Variants in ROBO1 observed in about 807,000 individuals in gnomAD.
ROBO1 encodes the protein roundabout homolog 1.
A neutral mutation model predicts 195.9 loss-of-function variants in ROBO1; 149 were observed. That is an observed-to-expected ratio of 0.76 (90% CI 0.67 to 0.87). ROBO1 has a LOEUF of 0.87. Ranked by LOEUF, ROBO1 falls within the 40% of genes least tolerant of loss-of-function variation. The pLI is 0.00. For missense variants in ROBO1, 1,933 were observed against 2,068.3 expected (o/e 0.93, Z 1.27); for synonymous variants, 816 against 733.2 (o/e 1.11, Z -1.82).
intron 2 of ROBO1, among the ~76,000 whole-genome samples, chr3:79,335,457 A>G (rs933592229): frequency 6.6e-6 from 1 of 152,198 alleles, no homozygotes; most frequent in Admixed American, 6.5e-5. Context: ...TTCTCATGAT[A>G]GTAACTGAGG....
chr3:78,818,582 G>C (rs1261694641), intron 4 of ROBO1, among the ~76,000 whole-genome samples: 1 of 152,232 alleles, frequency 6.6e-6, no homozygotes. Context: ...AGTACACGCA[G>C]TCAGCGCCTT....
intron 1 of ROBO1, among the ~76,000 whole-genome samples, chr3:79,761,240 C>G (rs551226530): frequency 2.0e-5 from 3 of 150,064 alleles, no homozygotes; most frequent in African/African-American, 7.3e-5. Context: ...CCCGAAGCAA[C>G]TTGAATTAAT....
At chr3:79,149,487 C>T (rs375210536) in intron 2 of ROBO1, among the ~76,000 whole-genome samples, 105 of 151,530 alleles carry the variant, frequency 6.9e-4, no homozygotes, top group African/African-American at 1.9e-3. Context: ...CTGGTTCTGA[C>T]GCTTATTCAG....
intron 2 of ROBO1, among the ~76,000 whole-genome samples, chr3:79,239,912 G>A (rs185831952): frequency 2.0e-4 from 30 of 152,036 alleles, no homozygotes; most frequent in Admixed American, 1.8e-3. Context: ...AAATAAACTT[G>A]TATATATTTA....
At position 79,065,289 on chromosome 3, in the gene ROBO1, C is replaced by T. The variant is rs557932431; in HGVS notation, c.172+60167G>A. On this transcript the variant is annotated intron_variant, in intron 3 of 30. Transcript: ENST00000464233. ...AATGCCATATTCTAATTCTGTCATTCCCTATGTCTTGAGTAAGGAAGAGAG... is the reference window on the plus strand; with the variant it reads ...AATGCCATATTCTAATTCTGTCATTTCCTATGTCTTGAGTAAGGAAGAGAG... 3.3e-5 allele frequency among the ~76,000 whole-genome samples: 5 copies of T among 152,036 alleles called. No homozygotes were observed. The East Asian group carries it at 9.7e-4, about 30-fold the overall frequency.
chr3:78,627,371 T>A lies in ROBO1; in HGVS notation c.3825A>T (p.Leu1275Phe). ...PSPQEELQPMLQDCPEETGHM... is the reference protein window; with the variant it reads ...PSPQEELQPMFQDCPEETGHM... Reference sequence around the variant, plus strand: ...GGCCAGTCTCCTCTGGACAATCCTGTAACATGGGCTGGAGTTCTTCCTGTG... The same window carrying A: ...GGCCAGTCTCCTCTGGACAATCCTGAAACATGGGCTGGAGTTCTTCCTGTG... The change falls in exon 26 of 31, where the codon TTA becomes TTT. Residue 1275 changes from leucine to phenylalanine, a missense_variant. By Grantham distance (22) the Leu-to-Phe change is conservative. Around this residue, in one of 3 missense-constraint regions of ROBO1, gnomAD observed 1,737 missense variants for 1,882.5 expected, o/e 0.92. Coordinates refer to ENST00000464233, the MANE Select transcript of ROBO1 (RefSeq NM_002941.4). 1 of 1,612,614 alleles carries A rather than the reference T, an allele frequency of 6.2e-7. No homozygotes were observed. The highest frequency in any genetic ancestry group is 8.5e-7 in the Non-Finnish European group (1 of 1,179,344).
chr3:78,740,204 T>C (rs1261208029), intron 5 of ROBO1, among the ~76,000 whole-genome samples: 1 of 152,018 alleles, frequency 6.6e-6, no homozygotes, highest in Non-Finnish European at 1.5e-5. Context: ...TAAGACTAAA[T>C]TGACAAGTAT....
chr3:79,442,804 A>C (rs545554459), intron 2 of ROBO1, among the ~76,000 whole-genome samples: 2 of 152,172 alleles, frequency 1.3e-5, no homozygotes, highest in Non-Finnish European at 2.9e-5. Flanking sequence ...CTTGCTTAGA[A>C]TTCTTTCCTG....
Position 78,639,754 on chromosome 3 carries a change from G to C in ROBO1, c.3027C>G (p.Tyr1009Ter). The C allele has an allele frequency of 6.2e-7, 1 of 1,613,262 alleles. No homozygotes were observed. Among genetic ancestry groups the C allele is most frequent in the Non-Finnish European group, 8.5e-7 (1 of 1,179,382 alleles). Reference protein sequence around the residue: ...NGNSDSNLTTYSRPADCIANY... With the variant: ...NGNSDSNLTT ...CTCTGTGTCCCTAACCTGGGCGACT[G>C]TAGGTAGTGAGGTTGCTGTCGCTGT... The change falls in exon 22 of 31, where the codon TAC (tyrosine) becomes TAG (stop). Residue 1009 changes from tyrosine to a stop codon, truncating the protein, a stop_gained. Coordinates refer to ENST00000464233, the MANE Select transcript of ROBO1 (RefSeq NM_002941.4). LOFTEE classifies it high-confidence loss of function.
At chr3:79,735,141 T>G (rs956540032) in intron 1 of ROBO1, among the ~76,000 whole-genome samples, 2 of 152,228 alleles carry the variant, frequency 1.3e-5, no homozygotes, top group African/African-American at 4.8e-5. Flanking sequence ...TGGAAGAAAC[T>G]GCATTTTTAA....
chr3:79,514,993 T>A (rs1336638819), intron 2 of ROBO1, among the ~76,000 whole-genome samples: 1 of 151,712 alleles, frequency 6.6e-6, no homozygotes, highest in Non-Finnish European at 1.5e-5. Context: ...TTCAAATGAA[T>A]GATTGGACAC....
chr3:79,707,038 CTCT>C (rs966106015), intron 1 of ROBO1, among the ~76,000 whole-genome samples: 2 of 151,976 alleles, frequency 1.3e-5, no homozygotes, highest in African/African-American at 2.4e-5. Context: ...AAATTATTTT[CTCT>C]TCTTCTCCCT....
At chr3:79,519,630 A>G (rs1209477602) in intron 2 of ROBO1, among the ~76,000 whole-genome samples, 1 of 141,026 alleles carries the variant, frequency 7.1e-6, no homozygotes, top group Non-Finnish European at 1.5e-5. Context: ...CTCCTGCTCA[A>G]AAAAAAAAAA....
rs113132036 is a variant in ROBO1 at position 79,006,081 on chromosome 3, T to C, written c.173-67154A>G. On this transcript the variant is annotated intron_variant, in intron 3 of 30. Coordinates refer to ENST00000464233, the MANE Select transcript of ROBO1 (RefSeq NM_002941.4). ...AGTAAGCTTTAAGCCATTTTGATAA[T>C]TTCTCTTCTTATTCAAGAATATATT... Among the ~76,000 whole-genome samples, 12 of 152,292 alleles carry C rather than the reference T, an allele frequency of 7.9e-5. 1 individual carries two copies. Among genetic ancestry groups the C allele is most frequent in the African/African-American group, 2.9e-4 (12 of 41,572 alleles).
intron 4 of ROBO1, among the ~76,000 whole-genome samples, chr3:78,861,705 T>A (rs1263329575): frequency 6.6e-6 from 1 of 152,210 alleles, no homozygotes; most frequent in Non-Finnish European, 1.5e-5. Context: ...ATTTCTTTCT[T>A]TGATCTTCTT....
intron 8 of ROBO1, among the ~76,000 whole-genome samples, chr3:78,711,443 C>CTTT (rs1559774130): frequency 0.032 from 2,696 of 84,850 alleles, 147 homozygotes; most frequent in East Asian, 0.093. Flanking sequence ...TTCTTTCTTT[C>CTTT]CTTCCTTCCT....
chr3:78,914,757 T>TTA (rs3040518), intron 4 of ROBO1, among the ~76,000 whole-genome samples: 47,492 of 146,430 alleles, frequency 0.32, 9,460 homozygotes, highest in South Asian at 0.5. Flanking sequence ...ATTTTATAAA[T>TTA]TATATATATA....
chr3:79,686,120 A>C (rs1947101417), intron 1 of ROBO1, among the ~76,000 whole-genome samples: 1 of 152,126 alleles, frequency 6.6e-6, no homozygotes, highest in African/African-American at 2.4e-5. Flanking sequence ...AAGGACAAAA[A>C]CCATGATTAT....
intron 3 of ROBO1, among the ~76,000 whole-genome samples, chr3:79,035,903 C>G (rs1253275095): frequency 6.6e-6 from 1 of 152,050 alleles, no homozygotes; most frequent in African/African-American, 2.4e-5. Flanking sequence ...AACTAAAGGA[C>G]TCCACAGTTT....
Sources: allele counts gnomAD v4.1 joint callset (sites outside exome capture counted in the v4.1 genomes callset), GRCh38; gene constraint gnomAD v4.1.1; regional missense constraint gnomAD v4.1.1; transcripts MANE v1.5; gene names NCBI Gene and HGNC (gene_info 2026-07-23, HGNC 2026-07-21).